The following CCDC102B variants were observed in gnomAD, a reference collection of about 807,000 sequenced individuals.
CCDC102B encodes the protein coiled-coil domain containing 102B.
In CCDC102B, 75 loss-of-function variants were observed where a neutral mutation model predicts 57.4. That is an observed-to-expected ratio of 1.31 (90% CI 1.08 to 1.58). CCDC102B has a LOEUF of 1.58. CCDC102B is among the 40% of genes most tolerant of loss of function. CCDC102B has a pLI of 0.00. For missense variants in CCDC102B, 636 were observed against 582.6 expected, an observed-to-expected ratio of 1.09 and a Z score of -0.94; for synonymous variants, 206 against 201.9, an observed-to-expected ratio of 1.02 and a Z score of -0.17.
At chr18:68,860,647 A>G (rs2038709616) in intron 4 of CCDC102B, among the ~76,000 whole-genome samples, 1 of 99,386 alleles carries the variant, frequency 1.0e-5, no homozygotes, top group Non-Finnish European at 2.2e-5. Context: ...GGTCTTCCCC[A>G]CAGACCTCAA....
chr18:68,835,469 T>C (rs1317490950), intron 1 of CCDC102B, among the ~76,000 whole-genome samples: 1 of 152,254 alleles, frequency 6.6e-6, no homozygotes, highest in East Asian at 1.9e-4. Context: ...TCTGCTTCTC[T>C]CACCCACCAG....
intron 2 of CCDC102B, among the ~76,000 whole-genome samples, chr18:68,789,896 G>T (rs111421713): frequency 0.018 from 2,697 of 152,146 alleles, 65 homozygotes; most frequent in African/African-American, 0.06. Context: ...TTTGGAGGAG[G>T]AGAGGTTCTC....
At chr18:68,905,140 A>C (rs1254391739) in intron 6 of CCDC102B, among the ~76,000 whole-genome samples, 1 of 151,042 alleles carries the variant, frequency 6.6e-6, no homozygotes, top group East Asian at 2.0e-4. Flanking sequence ...TGTATCAAAC[A>C]GGTGATATGT....
chr18:68,821,514 C>G (rs1482365860), intron 1 of CCDC102B, among the ~76,000 whole-genome samples: 3 of 151,498 alleles, frequency 2.0e-5, no homozygotes, highest in Admixed American at 1.3e-4. Flanking sequence ...TTTGAGTAAT[C>G]AAAATTCTTC....
At chr18:69,032,138 G>C (rs968981269) in intron 7 of CCDC102B, among the ~76,000 whole-genome samples, 5 of 152,026 alleles carry the variant, frequency 3.3e-5, no homozygotes, top group Non-Finnish European at 2.9e-5. Flanking sequence ...GAGTTTTTTT[G>C]ATGCTGAATT....
intron 6 of CCDC102B, among the ~76,000 whole-genome samples, chr18:68,989,749 A>C (rs767553846): frequency 1.3e-5 from 2 of 152,150 alleles, no homozygotes; most frequent in Non-Finnish European, 2.9e-5. Context: ...CGGAAAAATA[A>C]GTCTTGTGGA....
intron 2 of CCDC102B, among the ~76,000 whole-genome samples, chr18:68,749,875 G>A (rs1337273380): frequency 6.6e-6 from 1 of 152,076 alleles, no homozygotes; most frequent in Admixed American, 6.6e-5. Context: ...CATGGGCAAG[G>A]ACTTCATGTC....
At chr18:68,911,641 A>G (rs890768976) in intron 6 of CCDC102B, among the ~76,000 whole-genome samples, 10 of 146,478 alleles carry the variant, frequency 6.8e-5, no homozygotes, top group Admixed American at 2.0e-4. Context: ...AGTCCCAGCT[A>G]CTCGAGAGGC....
chr18:68,989,053 A>C (rs1412156251), intron 6 of CCDC102B, among the ~76,000 whole-genome samples: 2 of 152,142 alleles, frequency 1.3e-5, no homozygotes, highest in African/African-American at 4.8e-5. Flanking sequence ...CCTGACTCTA[A>C]ATACTATGCC....
chr18:68,855,105 A>C (rs952892148), intron 4 of CCDC102B, among the ~76,000 whole-genome samples: 6 of 152,180 alleles, frequency 3.9e-5, no homozygotes, highest in African/African-American at 1.4e-4. Flanking sequence ...ATTTTATAAG[A>C]AACAGTGTTT....
chr18:68,870,452 G>A (rs1441552098), intron 4 of CCDC102B, among the ~76,000 whole-genome samples: 1 of 152,168 alleles, frequency 6.6e-6, no homozygotes, highest in Non-Finnish European at 1.5e-5. Flanking sequence ...GCAATTAAAT[G>A]TTAATGGGGA....
chr18:68,898,854 C>A (rs2040334251), intron 6 of CCDC102B, among the ~76,000 whole-genome samples: 1 of 152,042 alleles, frequency 6.6e-6, no homozygotes, highest in African/African-American at 2.4e-5. Context: ...TTGATTTTGG[C>A]ACCTTTCTAG....
chr18:68,786,851 C>A (rs1457668245), intron 2 of CCDC102B, among the ~76,000 whole-genome samples: 1 of 151,894 alleles, frequency 6.6e-6, no homozygotes, highest in African/African-American at 2.4e-5. Context: ...CTGGCCAGAA[C>A]TTCCAACATT....
intron 2 of CCDC102B, among the ~76,000 whole-genome samples, chr18:68,787,633 T>G (rs1307645077): frequency 6.7e-6 from 1 of 149,724 alleles, no homozygotes; most frequent in African/African-American, 2.5e-5. Flanking sequence ...TTTGTAGTAT[T>G]CTCTGATGGT....
rs1298501014 is a variant in CCDC102B at position 68,956,370 on chromosome 18, TA to T, written c.1264-54560del. On this transcript the variant is annotated intron_variant, in intron 6 of 7. Transcript: ENST00000360242. ...TATATTAATATATATAATATATATA[TA>T]AAATGTATAATATATAATATATATA... 9.8e-5 allele frequency among the ~76,000 whole-genome samples: 5 copies of T among 51,178 alleles called. 2 individuals are homozygous for T. Among genetic ancestry groups the T allele is most frequent in the Non-Finnish European group, 1.7e-4 (5 of 29,608 alleles). 33.6% of individuals were successfully genotyped at this position (51,178 alleles called of 152,430 possible).
At chr18:68,846,477 G>C in intron 4 of CCDC102B, 56 bp downstream of exon 4, 1 of 1,174,564 alleles carries the variant, frequency 8.5e-7, no homozygotes. Flanking sequence ...TCTTTCTTTG[G>C]ATATGTAAGC....
rs143669172 is a variant in CCDC102B, at chr18:68,807,345, T to C, written c.-16+9164T>C. Reference sequence around the variant, plus strand: ...ATTTAGGAGTCCACACAATTCTTAGTACTTTTTCTCTTTTTTTATAAATTA... The same window carrying C: ...ATTTAGGAGTCCACACAATTCTTAGCACTTTTTCTCTTTTTTTATAAATTA... On this transcript the variant is annotated intron_variant, in intron 1 of 7. Coordinates refer to ENST00000360242, the MANE Select transcript of CCDC102B (RefSeq NM_024781.3). Among the ~76,000 whole-genome samples, 113 of 152,252 alleles carry C rather than the reference T, an allele frequency of 7.4e-4. No individual in the cohort carries two copies. In the East Asian group the frequency reaches 0.017, roughly 23 times the overall value.
At chr18:68,752,928 G>A (rs1382590351) in intron 2 of CCDC102B, among the ~76,000 whole-genome samples, 1 of 151,984 alleles carries the variant, frequency 6.6e-6, no homozygotes, top group African/African-American at 2.4e-5. Context: ...AAAAATCTCA[G>A]CCATTACTTT....
At chr18:68,837,415 A>G (rs1168458462) in intron 2 of CCDC102B, 46 bp downstream of exon 2, 2 of 1,547,240 alleles carry the variant, frequency 1.3e-6, no homozygotes, top group Admixed American at 1.9e-5. Context: ...AAGGTCATAT[A>G]TAGTGATGGG....
Sources: allele counts gnomAD v4.1 joint callset (sites outside exome capture counted in the v4.1 genomes callset), GRCh38; gene constraint gnomAD v4.1.1; transcripts MANE v1.5; gene names NCBI Gene and HGNC (gene_info 2026-07-23, HGNC 2026-07-21).